Variants in FIGN observed in about 807,000 individuals in gnomAD.
The protein encoded by FIGN is fidgetin.
A neutral mutation model predicts 51.3 loss-of-function variants in FIGN; 11 were observed. The observed-to-expected ratio is 0.21, with a 90% confidence interval of 0.13 to 0.35. The LOEUF (loss-of-function observed/expected upper bound fraction) is 0.35, where lower values mean the gene tolerates loss of function less well. Ranked by LOEUF, FIGN falls within the 10% of genes least tolerant of loss-of-function variation. FIGN has a pLI of 1.00. For synonymous variants in FIGN, 407 were observed against 363.2 expected (o/e 1.12, Z -1.37); for missense variants, 857 against 943.6 (o/e 0.91, Z 1.20).
intron 2 of FIGN, among the ~76,000 whole-genome samples, chr2:163,638,501 A>G (rs1166521121): frequency 6.6e-6 from 1 of 152,140 alleles, no homozygotes; most frequent in African/African-American, 2.4e-5. Flanking sequence ...GAACAATTAA[A>G]TACTGAATTG....
At chr2:163,734,348 CCA>C (rs1684980494) in intron 2 of FIGN, among the ~76,000 whole-genome samples, 1 of 150,998 alleles carries the variant, frequency 6.6e-6, no homozygotes, top group Non-Finnish European at 1.5e-5. Context: ...CCCGCCCCCC[CCA>C]AAAAAAAACC....
chr2:163,718,843 G>GAC (rs1351752154), intron 2 of FIGN, among the ~76,000 whole-genome samples: 2 of 150,970 alleles, frequency 1.3e-5, no homozygotes, highest in East Asian at 1.9e-4. Flanking sequence ...GAGAGAGTGA[G>GAC]AGAGAGAGAG....
chr2:163,718,844 A>C (rs991912654), intron 2 of FIGN, among the ~76,000 whole-genome samples: 17 of 151,178 alleles, frequency 1.1e-4, no homozygotes, highest in African/African-American at 3.7e-4. Context: ...AGAGAGTGAG[A>C]GAGAGAGAGA....
At chr2:163,689,326 G>C in intron 2 of FIGN, among the ~76,000 whole-genome samples, 1 of 151,914 alleles carries the variant, frequency 6.6e-6, no homozygotes, top group East Asian at 1.9e-4. Context: ...TGCTCATCTG[G>C]TTTCATAGGT....
intron 2 of FIGN, among the ~76,000 whole-genome samples, chr2:163,642,199 A>T (rs1033480294): frequency 6.6e-6 from 1 of 152,126 alleles, no homozygotes; most frequent in African/African-American, 2.4e-5. Context: ...AAGTACATTT[A>T]CTCTCCAGCT....
chr2:163,700,181 T>C (rs1007670513), intron 2 of FIGN, among the ~76,000 whole-genome samples: 1 of 152,182 alleles, frequency 6.6e-6, no homozygotes, highest in Non-Finnish European at 1.5e-5. Context: ...TGATTAGTTA[T>C]AACGCTGGAG....
chr2:163,727,096 T>G (rs1302715311), intron 2 of FIGN, among the ~76,000 whole-genome samples: 1 of 152,072 alleles, frequency 6.6e-6, no homozygotes, highest in African/African-American at 2.4e-5. Flanking sequence ...AATCTTCAAT[T>G]TGAAATTGAA....
intron 2 of FIGN, among the ~76,000 whole-genome samples, chr2:163,645,476 C>G (rs1485689644): frequency 1.3e-5 from 2 of 152,088 alleles, no homozygotes; most frequent in Non-Finnish European, 2.9e-5. Flanking sequence ...GAAAGCAGCC[C>G]AGTAAATTAG....
At chr2:163,622,548 ATTAT>A (rs1292604973) in intron 2 of FIGN, among the ~76,000 whole-genome samples, 2 of 151,684 alleles carry the variant, frequency 1.3e-5, no homozygotes, top group East Asian at 1.9e-4. Context: ...CCACATTTTT[ATTAT>A]TTATTTATTT....
intron 2 of FIGN, among the ~76,000 whole-genome samples, chr2:163,614,421 A>G (rs1285438814): frequency 6.6e-6 from 1 of 152,156 alleles, no homozygotes. Flanking sequence ...AAAAGGAGAG[A>G]ATATTAATGT....
At chr2:163,728,622 G>A (rs1039004426) in intron 2 of FIGN, among the ~76,000 whole-genome samples, 16 of 151,872 alleles carry the variant, frequency 1.1e-4, no homozygotes, top group Non-Finnish European at 2.4e-4. Flanking sequence ...TATCTTTTTC[G>A]GCAGAGGCAG....
At chr2:163,652,018 T>C (rs933465115) in intron 2 of FIGN, among the ~76,000 whole-genome samples, 10 of 152,228 alleles carry the variant, frequency 6.6e-5, no homozygotes, top group African/African-American at 2.4e-4. Flanking sequence ...ACTGTTGTCA[T>C]ACCTCCAGTT....
chr2:163,614,317 C>T (rs770768036), intron 2 of FIGN, among the ~76,000 whole-genome samples: 1 of 152,056 alleles, frequency 6.6e-6, no homozygotes, highest in Non-Finnish European at 1.5e-5. Flanking sequence ...TTAAATTCAA[C>T]TGGAAATTAT....
At chr2:163,625,299 A>C (rs1346581713) in intron 2 of FIGN, among the ~76,000 whole-genome samples, 1 of 152,106 alleles carries the variant, frequency 6.6e-6, no homozygotes, top group Non-Finnish European at 1.5e-5. Flanking sequence ...CACTAAGCTA[A>C]AACATTAAAA....
chr2:163,676,152 T>C (rs985453067), intron 2 of FIGN, among the ~76,000 whole-genome samples: 1 of 151,710 alleles, frequency 6.6e-6, no homozygotes, highest in Non-Finnish European at 1.5e-5. Flanking sequence ...GGAGTACACA[T>C]ATGAATTCCT....
At chr2:163,713,321 A>G (rs745971522) in intron 2 of FIGN, among the ~76,000 whole-genome samples, 5 of 152,116 alleles carry the variant, frequency 3.3e-5, no homozygotes, top group Admixed American at 1.3e-4. Context: ...GAAGTAGTGG[A>G]ATTATCAGTA....
chr2:163,734,817 C>A, intron 2 of FIGN, 86 bp downstream of exon 2: 1 of 1,255,458 alleles, frequency 8.0e-7, no homozygotes, highest in Non-Finnish European at 1.1e-6. Context: ...AACTGCTTGC[C>A]AGGCAGTCTT....
At chr2:163,706,334 T>C (rs1684499167) in intron 2 of FIGN, among the ~76,000 whole-genome samples, 2 of 152,180 alleles carry the variant, frequency 1.3e-5, no homozygotes, top group Non-Finnish European at 2.9e-5. Flanking sequence ...AGAAATACCT[T>C]GAACCTTTGC....
In FIGN at chr2:163,723,892, G is replaced by A. The variant is rs1353005178; in HGVS notation, c.25+11011C>T. Among the ~76,000 whole-genome samples the A allele has an allele frequency of 2.0e-5, 3 of 152,106 alleles. No homozygotes were observed. The East Asian group carries it at 5.8e-4, about 29-fold the overall frequency. On this transcript the variant is annotated intron_variant, in intron 2 of 2. Coordinates refer to ENST00000333129, the MANE Select transcript of FIGN (RefSeq NM_018086.4). Reference sequence around the variant, plus strand: ...GAATGCTTATCATCTCTTCTGATGGGCTTAACAAAGTAATAAATGGTCCTT... The same window carrying A: ...GAATGCTTATCATCTCTTCTGATGGACTTAACAAAGTAATAAATGGTCCTT...
Sources: gnomAD v4.1 joint callset for allele counts (sites outside exome capture counted in the v4.1 genomes callset) on GRCh38, gnomAD v4.1.1 for gene constraint, MANE v1.5 for transcripts, NCBI Gene and HGNC (gene_info 2026-07-23, HGNC 2026-07-21) for gene names.